CALHM3: variants seen among roughly 807,000 people sequenced by gnomAD.
The protein encoded by CALHM3 is calcium homeostasis modulator 3, also known as calcium homeostasis modulator protein 3.
Under a neutral mutation model 13.6 loss-of-function variants are expected in CALHM3, and 9 were observed. The observed-to-expected ratio is 0.66, with a 90% confidence interval of 0.40 to 1.15. The LOEUF (loss-of-function observed/expected upper bound fraction) is 1.15, where lower values mean the gene tolerates loss of function less well. Ranked by LOEUF, CALHM3 falls within the 50% of genes most tolerant of loss-of-function variation. CALHM3 has a pLI of 0.01. For synonymous variants in CALHM3, 231 were observed against 213.2 expected (o/e 1.08, Z -0.73); for missense variants, 497 against 463.4 (o/e 1.07, Z -0.67).
At chr10:103,476,136 G>T (rs753658785) in intron 2 of CALHM3, among the ~76,000 whole-genome samples, 158 bp downstream of exon 2, 1 of 152,194 alleles carries the variant, frequency 6.6e-6, no homozygotes, top group Non-Finnish European at 1.5e-5. Context: ...TGCAGTGGGC[G>T]CAGGCAAGGC....
In CALHM3 at chr10:103,476,498, C is replaced by A. The variant is rs2033390690; in HGVS notation, c.339G>T (p.Trp113Cys). Reference sequence around the variant, plus strand: ...TCCCGTCAAGGAGGGCCAGCAGGATCCAGACCAGGGGGGCGGCCAGCGCCC... The same window carrying A: ...TCCCGTCAAGGAGGGCCAGCAGGATACAGACCAGGGGGGCGGCCAGCGCCC... ...LQRALAAPLV[W>C]ILLALLDGKC... The change falls in exon 2 of 3, where the codon TGG becomes TGT. Residue 113 changes from tryptophan (W) to cysteine (C), a missense_variant. Trp to Cys is a radical substitution (Grantham distance 215, BLOSUM62 -2). Coordinates refer to ENST00000369783, the MANE Select transcript of CALHM3 (RefSeq NM_001129742.2). 1 of 1,551,530 alleles carries A rather than the reference C, an allele frequency of 6.4e-7. No homozygotes were observed. Among genetic ancestry groups the A allele is most frequent in the African/African-American group, 1.4e-5 (1 of 73,036 alleles).
At chr10:103,476,184 A>G (rs1242883636) in intron 2 of CALHM3, 110 bp downstream of exon 2, 2 of 1,431,566 alleles carry the variant, frequency 1.4e-6, no homozygotes, top group Non-Finnish European at 1.9e-6. Context: ...CCTCCTGGGA[A>G]TGGGCTGAGC....
At chr10:103,475,785 G>A (rs972317834) in intron 2 of CALHM3, among the ~76,000 whole-genome samples, 2 of 152,212 alleles carry the variant, frequency 1.3e-5, no homozygotes, top group Non-Finnish European at 2.9e-5. Flanking sequence ...GGTGGAATCT[G>A]GAGTCTAGGC....
chr10:103,476,857 G>A (rs1158211074), intron 1 of CALHM3, among the ~76,000 whole-genome samples: 2 of 152,194 alleles, frequency 1.3e-5, no homozygotes, highest in Non-Finnish European at 2.9e-5. Flanking sequence ...AGGGCCTGAG[G>A]GCCTCCTACC....
At chr10:103,474,641 G>A (rs989289663) in intron 2 of CALHM3, among the ~76,000 whole-genome samples, 2 of 152,030 alleles carry the variant, frequency 1.3e-5, no homozygotes, top group African/African-American at 2.4e-5. Flanking sequence ...TTTTAGTAGA[G>A]ACGAGGTTTC....
In CALHM3 at chr10:103,473,489, C is replaced by T; in HGVS notation, c.759G>A (p.Glu253=). 4 of 1,550,360 alleles carry T rather than the reference C, an allele frequency of 2.6e-6. No homozygotes were observed. Among genetic ancestry groups the T allele is most frequent in the Non-Finnish European group, 2.6e-6 (3 of 1,146,470 alleles). ...CCCGGCGCAGCCCCCGCGCCTGCAG[C>T]TCACTCCGCATGCTGGCAAAGAAGT... The part of the protein sequence containing the change: ...VLHFFASMRS[E]LQARGLRRGN... The change falls in exon 3 of 3, where the codon GAG becomes GAA. Residue 253 remains glutamate (E), a synonymous_variant. Transcript: ENST00000369783.
intron 1 of CALHM3, among the ~76,000 whole-genome samples, chr10:103,476,789 G>A (rs1250803661): frequency 6.6e-6 from 1 of 152,226 alleles, no homozygotes. Context: ...AGACACTGCT[G>A]GTGCCCTGCC....
chr10:103,473,236 G>A lies in CALHM3; in HGVS notation c.1012C>T (p.Leu338=), dbSNP rs1311816890. Residue 338 remains leucine, a synonymous_variant, in exon 3 of 3, where the codon CTG becomes TTG. Transcript: ENST00000369783. ...CCCTACACGTCGGTGTGTTGTGACA[G>A]CCTCGTGCCCAGTGCCAAGGTAGGG... The part of the protein sequence containing the change: ...RAPTLALGTR[L]SQHTDV 2 of 1,435,440 alleles carry A rather than the reference G, an allele frequency of 1.4e-6. No homozygotes were observed. The highest frequency in any genetic ancestry group is 1.8e-6 in the Non-Finnish European group (2 of 1,091,448). The allele number at this position is 1,435,440 out of a possible 1,614,324, so 88.9% of individuals were successfully genotyped here. A position where few individuals can be genotyped will look rare whatever the true frequency, so the allele number is the denominator to read the frequency against.
chr10:103,476,573 G>C (rs940994640), intron 1 of CALHM3, 24 bp from the exon 2 acceptor site: 3 of 1,549,320 alleles, frequency 1.9e-6, no homozygotes, highest in African/African-American at 2.7e-5. Context: ...AAGGAGGGGG[G>C]TCAAGGGGCA....
rs1015694630 is a variant in CALHM3 at position 103,472,816 on chromosome 10, A to C, written c.*397T>G. On this transcript the variant is annotated 3_prime_UTR_variant, in exon 3 of 3. Coordinates refer to ENST00000369783, the MANE Select transcript of CALHM3 (RefSeq NM_001129742.2). ...ACACAAATGAAACTATCGAGGCAGC[A>C]GACTAAGGTCATTATTATTATTTAG... The C allele has an allele frequency of 5.0e-5, 9 of 181,392 alleles. No individual in the cohort carries two copies. The highest frequency in any genetic ancestry group is 2.1e-4 in the African/African-American group (9 of 42,752). 11.2% of individuals were successfully genotyped at this position (181,392 alleles called of 1,614,324 possible). A position where few individuals can be genotyped will look rare whatever the true frequency, so the allele number is the denominator to read the frequency against.
In CALHM3 at chr10:103,473,670, A is replaced by T. The variant is rs747275572; in HGVS notation, c.578T>A (p.Ile193Asn). The T allele has an allele frequency of 6.4e-7, 1 of 1,550,432 alleles. No homozygotes were observed. Among genetic ancestry groups the T allele is most frequent in the South Asian group, 1.2e-5 (1 of 84,054 alleles). Residue 193 changes from isoleucine to asparagine, a missense_variant, in exon 3 of 3, where the codon ATC (isoleucine) becomes AAC (asparagine). Ile to Asn is a moderately radical substitution (Grantham distance 149). Transcript: ENST00000369783. ...CAGGCAGCGGGCCAGGAAGGCCGCG[A>T]TGATCAGCAGCAGGGTGACGCTCCA... is the stretch of plus-strand genomic sequence containing the variant. ...IGWSVTLLLIIAAFLARCLRP... is the reference protein window; with the variant it reads ...IGWSVTLLLINAAFLARCLRP...
intron 2 of CALHM3, among the ~76,000 whole-genome samples, chr10:103,474,550 G>A (rs2033368204): frequency 1.3e-5 from 2 of 152,274 alleles, no homozygotes; most frequent in South Asian, 4.1e-4. Flanking sequence ...CCCCTCCTGG[G>A]TTCAAGCCAT....
chr10:103,476,299 A>G lies in CALHM3; in HGVS notation c.538T>C (p.Ser180Pro). The G allele has an allele frequency of 6.4e-7, 1 of 1,551,334 alleles. No homozygotes were observed. The highest frequency in any genetic ancestry group is 8.7e-7 in the Non-Finnish European group (1 of 1,146,966). Residue 180 changes from serine (S) to proline (P), a missense_variant, in exon 2 of 3, where the codon TCA becomes CCA. Ser to Pro is a moderately conservative substitution (Grantham distance 74). Coordinates refer to ENST00000369783, the MANE Select transcript of CALHM3 (RefSeq NM_001129742.2). The stretch of plus-strand genomic sequence containing the variant: ...GGGAGGATCACCCCAGTTACCTGTG[A>G]CAGGCACCGCAGGTAGCGAGACACT... ...KAVSRYLRCLSQAIGWSVTLL... is the reference protein window; with the variant it reads ...KAVSRYLRCLPQAIGWSVTLL...
chr10:103,474,516 C>T (rs1254096201), intron 2 of CALHM3, among the ~76,000 whole-genome samples: 6 of 151,960 alleles, frequency 3.9e-5, no homozygotes, highest in Admixed American at 3.3e-4. Context: ...AGTGCAATGG[C>T]GTGATTCAGC....
rs969521678 is a variant in CALHM3 at position 103,479,201 on chromosome 10, G to A, written c.-169C>T. The A allele has an allele frequency of 1.7e-5, 13 of 747,714 alleles. No homozygotes were observed. In the African/African-American group the frequency reaches 2.1e-4, roughly 12 times the overall value. The allele number at this position is 747,714 out of a possible 1,614,324, so 46.3% of individuals were successfully genotyped here. On this transcript the variant is annotated 5_prime_UTR_variant, in exon 1 of 3. Coordinates refer to ENST00000369783, the MANE Select transcript of CALHM3 (RefSeq NM_001129742.2). The stretch of plus-strand genomic sequence containing the variant: ...GAAGCAGTGCCCAGGCCCCAGCCCA[G>A]GCTCCCGGGATCCAGTAGGCACTTA...
chr10:103,478,737 G>C lies in CALHM3; in HGVS notation c.287+9C>G. 1 of 1,513,420 alleles carries C rather than the reference G, an allele frequency of 6.6e-7. No homozygotes were observed. Among genetic ancestry groups the C allele is most frequent in the Non-Finnish European group, 8.9e-7 (1 of 1,126,872 alleles). The allele number at this position is 1,513,420 out of a possible 1,614,324, so 93.7% of individuals were successfully genotyped here. A position where few individuals can be genotyped will look rare whatever the true frequency, so the allele number is the denominator to read the frequency against. ...AGCTCATGGGTCACTGAGTGGTGTG[G>C]GACCGCACCTGATGATGCCTGGGTC... On this transcript the variant is annotated intron_variant, in intron 1 of 2. Transcript: ENST00000369783.
Position 103,478,853 on chromosome 10 carries a change from C to CG in CALHM3, c.179dup (p.Leu61AlafsTer60). ...GGAGGCCGCAGAGAAACAGGGCGAG[C>CG]GGGGGCGTCAGCAGCAGGCCCAGGC... On this transcript the variant is annotated frameshift_variant, in exon 1 of 3. Transcript: ENST00000369783. LOFTEE classifies it high-confidence loss of function. The CG allele has an allele frequency of 6.4e-7, 1 of 1,551,646 alleles. No homozygotes were observed. Among genetic ancestry groups the CG allele is most frequent in the Non-Finnish European group, 8.7e-7 (1 of 1,146,994 alleles).
At position 103,473,666 on chromosome 10, in the gene CALHM3, C is replaced by A. The variant is rs556139406; in HGVS notation, c.582G>T (p.Ala194=). The A allele has an allele frequency of 6.9e-5, 107 of 1,550,330 alleles. No individual in the cohort carries two copies. In the East Asian group the frequency reaches 2.5e-3, roughly 37 times the overall value. Residue 194 remains alanine, a synonymous_variant, in exon 3 of 3, where the codon GCG becomes GCT. Transcript: ENST00000369783. Reference sequence around the variant, plus strand: ...GCCTCAGGCAGCGGGCCAGGAAGGCCGCGATGATCAGCAGCAGGGTGACGC... The same window carrying A: ...GCCTCAGGCAGCGGGCCAGGAAGGCAGCGATGATCAGCAGCAGGGTGACGC... ...GWSVTLLLII[A]AFLARCLRPC... is the part of the protein sequence containing the mutation.
At position 103,473,678 on chromosome 10, in the gene CALHM3, C is replaced by T; in HGVS notation, c.570G>A (p.Leu190=). The T allele has an allele frequency of 6.5e-7, 1 of 1,549,654 alleles. No homozygotes were observed. The change falls in exon 3 of 3, where the codon CTG becomes CTA. Residue 190 remains leucine (L), a synonymous_variant. Transcript: ENST00000369783. ...SQAIGWSVTL[L]LIIAAFLARC... Reference sequence around the variant, plus strand: ...GGGCCAGGAAGGCCGCGATGATCAGCAGCAGGGTGACGCTCCAGCCGATGG... The same window carrying T: ...GGGCCAGGAAGGCCGCGATGATCAGTAGCAGGGTGACGCTCCAGCCGATGG...
Sources: allele counts gnomAD v4.1 joint callset (sites outside exome capture counted in the v4.1 genomes callset), GRCh38; gene constraint gnomAD v4.1.1; transcripts MANE v1.5; gene names NCBI Gene and HGNC (gene_info 2026-07-23, HGNC 2026-07-21).